Variants in LRRTM4 observed in about 807,000 individuals in gnomAD.
The protein encoded by LRRTM4 is leucine-rich repeat transmembrane neuronal protein 4.
Under a neutral mutation model 47.6 loss-of-function variants are expected in LRRTM4, and 25 were observed. That is an observed-to-expected ratio of 0.53 (90% CI 0.38 to 0.73). The LOEUF (loss-of-function observed/expected upper bound fraction) is 0.73. LRRTM4 is among the 30% of genes least tolerant of loss of function. LRRTM4 has a pLI of 0.00. For synonymous variants in LRRTM4, 311 were observed against 269.5 expected (o/e 1.15, Z -1.51); for missense variants, 638 against 713.4 (o/e 0.89, Z 1.20).
At chr2:77,229,687 G>T (rs907787851) in intron 3 of LRRTM4, among the ~76,000 whole-genome samples, 28 of 152,180 alleles carry the variant, frequency 1.8e-4, no homozygotes, top group Admixed American at 5.2e-4. Context: ...GCAGTCTATG[G>T]CATCATCATC....
chr2:77,162,551 C>G (rs1374281712), intron 3 of LRRTM4, among the ~76,000 whole-genome samples: 1 of 152,162 alleles, frequency 6.6e-6, no homozygotes, highest in African/African-American at 2.4e-5. Context: ...CTCGAGTAGC[C>G]TAACTGGGAG....
intron 3 of LRRTM4, among the ~76,000 whole-genome samples, chr2:77,071,303 A>G (rs72807212): frequency 0.04 from 6,044 of 152,186 alleles, 238 homozygotes; most frequent in African/African-American, 0.095. Flanking sequence ...TTCCAAACCT[A>G]TATTCTTTTT....
intron 3 of LRRTM4, among the ~76,000 whole-genome samples, chr2:76,943,037 AG>A (rs1296559721): frequency 6.6e-6 from 1 of 152,186 alleles, no homozygotes; most frequent in African/African-American, 2.4e-5. Flanking sequence ...TAAATAAATC[AG>A]GGACATTATG....
At chr2:76,826,528 A>G (rs1207799077) in intron 3 of LRRTM4, among the ~76,000 whole-genome samples, 1 of 112,806 alleles carries the variant, frequency 8.9e-6, no homozygotes, top group Non-Finnish European at 1.7e-5. Context: ...ATAAATTGCT[A>G]CATAGAAAAA....
At chr2:76,916,681 T>C (rs919583222) in intron 3 of LRRTM4, among the ~76,000 whole-genome samples, 1 of 152,182 alleles carries the variant, frequency 6.6e-6, no homozygotes, top group Non-Finnish European at 1.5e-5. Context: ...AAAGTGACTG[T>C]GTCCTTACTA....
chr2:76,940,274 TG>T (rs1310487879), intron 3 of LRRTM4, among the ~76,000 whole-genome samples: 2 of 152,016 alleles, frequency 1.3e-5, no homozygotes, highest in African/African-American at 4.8e-5. Flanking sequence ...ATGAAGAAAA[TG>T]TGGTACATGT....
At chr2:77,088,199 CAT>C (rs1457748724) in intron 3 of LRRTM4, among the ~76,000 whole-genome samples, 1 of 152,162 alleles carries the variant, frequency 6.6e-6, no homozygotes, top group Non-Finnish European at 1.5e-5. Flanking sequence ...TGGTTAACCC[CAT>C]ATACTTCCAG....
At chr2:76,826,311 T>C (rs1176669103) in intron 3 of LRRTM4, among the ~76,000 whole-genome samples, 2 of 151,574 alleles carry the variant, frequency 1.3e-5, no homozygotes, top group South Asian at 2.1e-4. Context: ...AATTTAGGGC[T>C]AGGAATGAGA....
chr2:76,956,230 G>T (rs192623884), intron 3 of LRRTM4, among the ~76,000 whole-genome samples: 4 of 151,732 alleles, frequency 2.6e-5, no homozygotes, highest in Non-Finnish European at 5.9e-5. Context: ...TAAGAAGACT[G>T]GCATAATGGC....
chr2:77,128,427 T>C (rs1249369370), intron 3 of LRRTM4, among the ~76,000 whole-genome samples: 2 of 151,708 alleles, frequency 1.3e-5, no homozygotes, highest in Admixed American at 6.6e-5. Flanking sequence ...GATAGAGAAA[T>C]GTCCCATCAA....
chr2:77,517,146 TC>T, intron 3 of LRRTM4: 1 of 985,076 alleles, frequency 1.0e-6, no homozygotes, highest in Non-Finnish European at 1.2e-6. Flanking sequence ...ACAATTTACA[TC>T]CAGCATTACT....
chr2:76,858,476 A>G (rs577243851), intron 3 of LRRTM4, among the ~76,000 whole-genome samples: 45 of 152,158 alleles, frequency 3.0e-4, no homozygotes, highest in Non-Finnish European at 5.3e-4. Flanking sequence ...GAACTATAAC[A>G]TCAGCTCTCC....
intron 2 of LRRTM4, 27 bp downstream of exon 2, chr2:77,521,641 A>G: frequency 6.2e-7 from 1 of 1,612,466 alleles, no homozygotes; most frequent in East Asian, 2.2e-5. Context: ...AGCTTTGCTC[A>G]GAAGGAAACA....
intron 3 of LRRTM4, among the ~76,000 whole-genome samples, chr2:76,843,797 T>A (rs1455043190): frequency 6.6e-6 from 1 of 152,182 alleles, no homozygotes; most frequent in East Asian, 1.9e-4. Flanking sequence ...ATACTACTTA[T>A]ATGTATCTTC....
intron 3 of LRRTM4, among the ~76,000 whole-genome samples, chr2:76,888,342 G>A (rs1673143767): frequency 6.6e-6 from 1 of 151,160 alleles, no homozygotes; most frequent in African/African-American, 2.4e-5. Flanking sequence ...TAATGACATG[G>A]AACAATTGTA....
chr2:76,794,925 TTAAACAA>T (rs1675187989), intron 3 of LRRTM4, among the ~76,000 whole-genome samples: 1 of 151,764 alleles, frequency 6.6e-6, no homozygotes, highest in Non-Finnish European at 1.5e-5. Context: ...AATGCTAAAT[TTAAACAA>T]TAGTGTGTAG....
intron 3 of LRRTM4, among the ~76,000 whole-genome samples, chr2:76,773,994 C>T (rs867997410): frequency 3.3e-5 from 5 of 151,888 alleles, no homozygotes; most frequent in Admixed American, 6.6e-5. Flanking sequence ...GATCTTTGAA[C>T]AATGTGCGGA....
chr2:77,160,012 T>C (rs1672668800), intron 3 of LRRTM4, among the ~76,000 whole-genome samples: 1 of 152,198 alleles, frequency 6.6e-6, no homozygotes, highest in Admixed American at 6.5e-5. Context: ...GCATTTATCT[T>C]CATCAAGTCA....
At chr2:77,205,992 C>T (rs988922024) in intron 3 of LRRTM4, among the ~76,000 whole-genome samples, 1 of 151,610 alleles carries the variant, frequency 6.6e-6, no homozygotes. Context: ...TGCACCACCA[C>T]CCCTGGCAAA....
Sources: gnomAD v4.1 joint callset for allele counts (sites outside exome capture counted in the v4.1 genomes callset) on GRCh38, gnomAD v4.1.1 for gene constraint, MANE v1.5 for transcripts, NCBI Gene and HGNC (gene_info 2026-07-23, HGNC 2026-07-21) for gene names.